Variants in PCDHA6 observed in about 807,000 individuals in gnomAD.
PCDHA6 encodes the protein protocadherin alpha 6.
In PCDHA6, 55 loss-of-function variants were observed where a neutral mutation model predicts 60.3. The ratio of observed to expected loss-of-function variants is 0.91; its 90% confidence interval spans 0.73 to 1.14. The LOEUF (loss-of-function observed/expected upper bound fraction) is 1.14. PCDHA6 is among the 50% of genes most tolerant of loss of function. The pLI, the probability that PCDHA6 is intolerant of heterozygous loss-of-function variation, is 0.00. For missense variants in PCDHA6, 1,327 were observed against 1,256.5 expected (o/e 1.06, Z -0.85); for synonymous variants, 652 against 557.9 (o/e 1.17, Z -2.38).
At chr5:140,856,778 C>T (rs782280474) in intron 1 of PCDHA6, 2 of 1,596,260 alleles carry the variant, frequency 1.3e-6, no homozygotes, top group Admixed American at 3.4e-5. Context: ...CTTTGACAGA[C>T]CGGTTTATGA....
chr5:140,903,317 A>G (rs1364222131), intron 1 of PCDHA6, among the ~76,000 whole-genome samples: 1 of 152,204 alleles, frequency 6.6e-6, no homozygotes, highest in African/African-American at 2.4e-5. Context: ...TAAAGACAGC[A>G]TTTTTATTGA....
chr5:140,837,350 T>C (rs1318218282), intron 1 of PCDHA6, among the ~76,000 whole-genome samples: 1 of 152,032 alleles, frequency 6.6e-6, no homozygotes, highest in Non-Finnish European at 1.5e-5. Context: ...TAAAATAGTT[T>C]AAATGGCAGT....
Position 140,838,073 on chromosome 5 carries a change from ATATAGTGTGTGT to A in PCDHA6, c.2394+7589_2394+7600del, listed in dbSNP as rs1161120523. Among the ~76,000 whole-genome samples the A allele has an allele frequency of 1.4e-3, 180 of 126,834 alleles. 3 individuals are homozygous for A. Among genetic ancestry groups the A allele is most frequent in the South Asian group, 4.9e-3 (18 of 3,638 alleles). The allele number at this position is 126,834 out of a possible 152,430, so 83.2% of individuals were successfully genotyped here. ...TGGTTTTCCACTTTAAGTTATATATATATAGTGTGTGTGTGTGTGTGTGTGTGTGTGTGTGTG... is the reference window on the plus strand; with the variant it reads ...TGGTTTTCCACTTTAAGTTATATATAGTGTGTGTGTGTGTGTGTGTGTGTG... On this transcript the variant is annotated intron_variant, in intron 1 of 3. Coordinates refer to ENST00000529310, the MANE Select transcript of PCDHA6 (RefSeq NM_018909.4).
At chr5:140,856,746 A>G (rs996216348) in intron 1 of PCDHA6, 1 of 1,596,552 alleles carries the variant, frequency 6.3e-7, no homozygotes, top group Non-Finnish European at 8.6e-7. Context: ...CTGGTGTTAG[A>G]TGCCAATGAT....
chr5:140,982,784 C>T (rs568886944), intron 3 of PCDHA6, among the ~76,000 whole-genome samples: 9 of 151,444 alleles, frequency 5.9e-5, no homozygotes, highest in South Asian at 2.1e-4. Flanking sequence ...TGTGTGTGCA[C>T]GCATGTGTGC....
intron 1 of PCDHA6, among the ~76,000 whole-genome samples, chr5:140,958,935 G>A (rs1439446773): frequency 9.3e-6 from 1 of 107,572 alleles, no homozygotes; most frequent in African/African-American, 4.3e-5. Flanking sequence ...GCTCATACTT[G>A]TAATAATATT....
chr5:141,009,003 A>G (rs782499793), intron 3 of PCDHA6, among the ~76,000 whole-genome samples: 16 of 152,220 alleles, frequency 1.1e-4, no homozygotes, highest in Non-Finnish European at 1.5e-4. Flanking sequence ...AAAGGAGCAT[A>G]TTTTGCCTTT....
At chr5:140,944,995 T>A (rs246062) in intron 1 of PCDHA6, among the ~76,000 whole-genome samples, 85,717 of 151,900 alleles carry the variant, frequency 0.56, 24,795 homozygotes, top group African/African-American at 0.69. Flanking sequence ...TCTGTAACGG[T>A]TGTGGGTCAT....
intron 1 of PCDHA6, chr5:140,966,610 C>A: frequency 1.4e-6 from 1 of 715,490 alleles, no homozygotes; most frequent in Non-Finnish European, 2.1e-6. Context: ...CTTGGGAGGG[C>A]CTACGGAGGG....
intron 1 of PCDHA6, among the ~76,000 whole-genome samples, chr5:140,944,593 T>C (rs187929896): frequency 2.6e-5 from 4 of 152,318 alleles, no homozygotes; most frequent in African/African-American, 9.6e-5. Context: ...AGAATTTCCC[T>C]GGGTAGAGTA....
intron 3 of PCDHA6, among the ~76,000 whole-genome samples, chr5:141,008,894 A>G (rs782674482): frequency 9.9e-5 from 15 of 152,254 alleles, no homozygotes; most frequent in Non-Finnish European, 1.8e-4. Context: ...TGTTATTACA[A>G]TAAAATTAAG....
intron 1 of PCDHA6, among the ~76,000 whole-genome samples, chr5:140,933,649 T>G (rs1259214104): frequency 6.6e-6 from 1 of 152,058 alleles, no homozygotes; most frequent in Non-Finnish European, 1.5e-5. Flanking sequence ...AAGTTGGAAA[T>G]CCTGTCTCTC....
chr5:140,956,644 C>G (rs2095298403), intron 1 of PCDHA6, among the ~76,000 whole-genome samples: 1 of 152,096 alleles, frequency 6.6e-6, no homozygotes, highest in Non-Finnish European at 1.5e-5. Flanking sequence ...GTTTTGGTAT[C>G]AGGATGATGC....
intron 1 of PCDHA6, among the ~76,000 whole-genome samples, chr5:140,945,934 T>C (rs1161156525): frequency 2.0e-5 from 3 of 152,092 alleles, no homozygotes; most frequent in African/African-American, 4.8e-5. Context: ...TGAGCAATGA[T>C]GTTTTTTATA....
chr5:140,948,142 T>G (rs1194720907), intron 1 of PCDHA6, among the ~76,000 whole-genome samples: 1 of 151,674 alleles, frequency 6.6e-6, no homozygotes, highest in Admixed American at 6.6e-5. Flanking sequence ...CTAATTGATT[T>G]TTGAATGTTG....
intron 1 of PCDHA6, among the ~76,000 whole-genome samples, chr5:140,937,338 C>T (rs1554211545): frequency 1.3e-5 from 2 of 151,992 alleles, no homozygotes; most frequent in Non-Finnish European, 2.9e-5. Flanking sequence ...CGCCCGGCTT[C>T]TTCCATTTAT....
At chr5:140,877,192 G>A in intron 1 of PCDHA6, 2 of 1,613,846 alleles carry the variant, frequency 1.2e-6, no homozygotes, top group Non-Finnish European at 1.7e-6. Flanking sequence ...TGGCAGCGCA[G>A]GAGGCGCAGT....
At chr5:140,833,988 T>C (rs1772754266) in intron 1 of PCDHA6, among the ~76,000 whole-genome samples, 1 of 152,186 alleles carries the variant, frequency 6.6e-6, no homozygotes, top group African/African-American at 2.4e-5. Context: ...TTCTAAGGCA[T>C]GAGGAAGCTA....
At position 140,836,167 on chromosome 5, in the gene PCDHA6, G is replaced by T. The variant is rs2150254555; in HGVS notation, c.2394+5682G>T. 3.1e-6 allele frequency: 5 copies of T among 1,613,848 alleles called. No homozygotes were observed. Among genetic ancestry groups the T allele is most frequent in the Non-Finnish European group, 4.2e-6 (5 of 1,179,798 alleles). ...GCGGGCCATGTGGTGGCGAAGGTAC[G>T]TGCAGTTGACGCTGACTCAGGCTAC... On this transcript the variant is annotated intron_variant, in intron 1 of 3. Coordinates refer to ENST00000529310, the MANE Select transcript of PCDHA6 (RefSeq NM_018909.4).
Sources: allele counts gnomAD v4.1 joint callset (sites outside exome capture counted in the v4.1 genomes callset), GRCh38; gene constraint gnomAD v4.1.1; transcripts MANE v1.5; gene names NCBI Gene and HGNC (gene_info 2026-07-23, HGNC 2026-07-21).